The following RPL18 variants were observed in gnomAD, a reference collection of about 807,000 sequenced individuals.
The protein encoded by RPL18 is ribosomal protein L18.
A neutral mutation model predicts 25.0 loss-of-function variants in RPL18; 4 were observed. The observed-to-expected ratio is 0.16, with a 90% CI of 0.08 to 0.37. The LOEUF is 0.37. RPL18 is among the 10% of genes least tolerant of loss of function. The probability of loss-of-function intolerance (pLI) is 1.00; values close to 1 mark genes in which losing one functional copy is unlikely to be tolerated. For synonymous variants in RPL18, 129 were observed against 101.6 expected (o/e 1.27, Z -1.62); for missense variants, 179 against 267.9 (o/e 0.67, Z 2.32).
intron 3 of RPL18, 200 bp from the exon 4 acceptor site, chr19:48,617,024 G>T: frequency 1.4e-6 from 1 of 702,954 alleles, no homozygotes; most frequent in Non-Finnish European, 2.6e-6. Flanking sequence ...TGTTCAATAG[G>T]GCCTCCCTCA....
At chr19:48,619,038 G>T in intron 1 of RPL18, 103 bp downstream of exon 1, 36 of 1,270,516 alleles carry the variant, frequency 2.8e-5, no homozygotes, top group Non-Finnish European at 4.0e-5. Context: ...TGCTCCCTCC[G>T]GGCAGCCGCA....
chr19:48,617,529 C>T, intron 2 of RPL18, 106 bp from the exon 3 acceptor site: 2 of 914,222 alleles, frequency 2.2e-6, no homozygotes, highest in Non-Finnish European at 3.5e-6. Context: ...ATCTTTATCC[C>T]TTTCCCCCAA....
In RPL18 at chr19:48,616,839, G is replaced by C. The variant is rs746686079; in HGVS notation, c.199-15C>G. On this transcript the variant is annotated splice_polypyrimidine_tract_variant and intron_variant, in intron 3 of 6. Coordinates refer to ENST00000549920, the MANE Select transcript of RPL18 (RefSeq NM_000979.4). ...ATCTTCCGGATCTTAGGGTGGGGAG[G>C]ATGTACGTCGTAAGTTGTTCTGGTG... 1 of 1,589,424 alleles carries C rather than the reference G, an allele frequency of 6.3e-7. No individual in the cohort carries two copies. The highest frequency in any genetic ancestry group is 8.6e-7 in the Non-Finnish European group (1 of 1,158,560).
chr19:48,617,707 G>A, intron 2 of RPL18, 84 bp downstream of exon 2: 1 of 1,062,038 alleles, frequency 9.4e-7, no homozygotes, highest in Non-Finnish European at 1.5e-6. Context: ...CCCCTGGGAG[G>A]AGCTTGGTGC....
intron 2 of RPL18, 148 bp from the exon 3 acceptor site, chr19:48,617,571 G>A (rs1242630400): frequency 1.4e-5 from 10 of 716,020 alleles, no homozygotes; most frequent in Non-Finnish European, 2.4e-5. Context: ...AGCTGGCCCA[G>A]GTCCTTCCTG....
intron 4 of RPL18, 39 bp from the exon 5 acceptor site, chr19:48,616,241 G>C: frequency 6.2e-7 from 1 of 1,608,988 alleles, no homozygotes. Flanking sequence ...AGACCCCTGC[G>C]TGGTCACCCA....
chr19:48,615,960 AG>A lies in RPL18; in HGVS notation c.422-15del. 1 of 1,614,026 alleles carries A rather than the reference AG, an allele frequency of 6.2e-7. No homozygotes were observed. The highest frequency in any genetic ancestry group is 8.5e-7 in the Non-Finnish European group (1 of 1,179,932). On this transcript the variant is annotated splice_polypyrimidine_tract_variant and intron_variant, in intron 5 of 6. Transcript: ENST00000549920. ...CCTTGCGAGGACCTAGGGAAGGGGAAGGAGAACCGGGTGAGACAGGGATCTG... is the reference window on the plus strand; with the variant it reads ...CCTTGCGAGGACCTAGGGAAGGGGAAGAGAACCGGGTGAGACAGGGATCTG...
intron 6 of RPL18, 157 bp downstream of exon 6, chr19:48,615,720 T>A: frequency 1.4e-6 from 1 of 705,722 alleles, no homozygotes; most frequent in Admixed American, 2.2e-5. Context: ...CTCCAAGCAG[T>A]GTTGAAGGGA....
chr19:48,617,269 AC>A, intron 3 of RPL18, 46 bp downstream of exon 3: 1 of 1,435,114 alleles, frequency 7.0e-7, no homozygotes, highest in African/African-American at 1.4e-5. Flanking sequence ...GACAGACAAG[AC>A]CCAGCGGCTC....
chr19:48,616,294 G>T, intron 4 of RPL18, 92 bp from the exon 5 acceptor site: 1 of 1,528,902 alleles, frequency 6.5e-7, no homozygotes, highest in Non-Finnish European at 8.9e-7. Flanking sequence ...GCGCAGCAGA[G>T]CCCTGGTAAC....
rs368962215 is a variant in RPL18 at position 48,617,381 on chromosome 19, G to C, written c.133C>G (p.Gln45Glu). The C allele has an allele frequency of 1.9e-6, 3 of 1,614,046 alleles. No individual in the cohort carries two copies. In the African/African-American group the frequency reaches 4.0e-5, roughly 22 times the overall value. Reference sequence around the variant, plus strand: ...ATAAACAACCTCTTCAACACAACCTGGTTGAATGTGGAGTTGGTTCTTCTG... The same window carrying C: ...ATAAACAACCTCTTCAACACAACCTCGTTGAATGTGGAGTTGGTTCTTCTG... Reference protein sequence around the residue: ...LARRTNSTFNQVVLKRLFMSR... With the variant: ...LARRTNSTFNEVVLKRLFMSR... The change falls in exon 3 of 7, where the codon CAG becomes GAG. Residue 45 changes from glutamine (Q) to glutamate (E), a missense_variant. Physicochemically the swap from Gln to Glu is conservative, Grantham distance 29 (BLOSUM62 2). Transcript: ENST00000549920.
intron 6 of RPL18, 96 bp downstream of exon 6, chr19:48,615,781 T>C: frequency 9.1e-7 from 1 of 1,104,128 alleles, no homozygotes; most frequent in Non-Finnish European, 1.3e-6. Context: ...TGGGGCTGGC[T>C]GGTACGAGGG....
At position 48,617,489 on chromosome 19, in the gene RPL18, G is replaced by T. The variant is rs984489994; in HGVS notation, c.91-66C>A. 3.5e-6 allele frequency: 4 copies of T among 1,142,654 alleles called. No individual in the cohort carries two copies. In the South Asian group the frequency reaches 5.1e-5, roughly 15 times the overall value. The allele number at this position is 1,142,654 out of a possible 1,614,324, so 70.8% of individuals were successfully genotyped here. Reference sequence around the variant, plus strand: ...CTCCCCCGCAGCCTTCCAGTGAAGGGGCAAACACATGATGATCTGGACTAA... The same window carrying T: ...CTCCCCCGCAGCCTTCCAGTGAAGGTGCAAACACATGATGATCTGGACTAA... On this transcript the variant is annotated intron_variant, in intron 2 of 6. Coordinates refer to ENST00000549920, the MANE Select transcript of RPL18 (RefSeq NM_000979.4).
At chr19:48,618,998 C>G in intron 1 of RPL18, 143 bp downstream of exon 1, 2 of 840,982 alleles carry the variant, frequency 2.4e-6, no homozygotes, top group Non-Finnish European at 3.9e-6. Context: ...GCTTTCCTGG[C>G]CCCCAGAGTA....
intron 3 of RPL18, 107 bp downstream of exon 3, chr19:48,617,209 C>T (rs1422867111): frequency 2.2e-6 from 2 of 897,240 alleles, no homozygotes; most frequent in Non-Finnish European, 3.8e-6. Context: ...CTGAGACAAA[C>T]CCTTGATGCC....
chr19:48,615,493 C>T (rs777547547), intron 6 of RPL18, 46 bp from the exon 7 acceptor site: 11 of 1,440,946 alleles, frequency 7.6e-6, no homozygotes, highest in Non-Finnish European at 9.7e-6. Context: ...TTAAAGGAGG[C>T]CATTGTGGAG....
rs767866392 is a variant in RPL18, at chr19:48,615,891, C to T, written c.477G>A (p.Pro159=). The T allele has an allele frequency of 3.1e-6, 5 of 1,611,408 alleles. No individual in the cohort carries two copies. The highest frequency in any genetic ancestry group is 4.2e-6 in the Non-Finnish European group (5 of 1,178,874). ...CTGATACTCACTTGGTGTGGCTGTG[C>T]GGGGTTCCTGGGGCCTTGCCGAAAT... is the stretch of plus-strand genomic sequence containing the variant. ...YRHFGKAPGT[P]HSHTKPYVRS... Residue 159 remains proline, a synonymous_variant, in exon 6 of 7, where the codon CCG becomes CCA. Transcript: ENST00000549920.
At chr19:48,616,471 C>T in intron 4 of RPL18, 3 of 677,194 alleles carry the variant, frequency 4.4e-6, no homozygotes, top group Middle Eastern at 3.9e-4. Context: ...AGACTTGAGC[C>T]CAGGCTGTCT....
At position 48,615,878 on chromosome 19, in the gene RPL18, T is replaced by C. The variant is rs771309189; in HGVS notation, c.490A>G (p.Lys164Glu). 16 of 1,609,742 alleles carry C rather than the reference T, an allele frequency of 9.9e-6. No homozygotes were observed. The highest frequency in any genetic ancestry group is 1.2e-5 in the Non-Finnish European group (14 of 1,178,188). Reference protein sequence around the residue: ...KAPGTPHSHTKPYVRSKGRKF... With the variant: ...KAPGTPHSHTEPYVRSKGRKF... ...CAGGGCTGGGGGCCTGATACTCACT[T>C]GGTGTGGCTGTGCGGGGTTCCTGGG... Residue 164 changes from lysine to glutamate, a missense_variant and splice_region_variant, in exon 6 of 7, where the codon AAA (lysine) becomes GAA (glutamate). Transcript: ENST00000549920.
Sources: allele counts gnomAD v4.1 joint callset, GRCh38; gene constraint gnomAD v4.1.1; transcripts MANE v1.5; gene names NCBI Gene and HGNC (gene_info 2026-07-23, HGNC 2026-07-21).